Variants in ME1 observed in about 807,000 individuals in gnomAD.
ME1 encodes the protein NADP-dependent malic enzyme.
ME1 carries 74 observed loss-of-function variants against 66.4 expected under a neutral mutation model. That is an observed-to-expected ratio of 1.11 (90% CI 0.92 to 1.35). ME1 has a LOEUF of 1.35. Ranked by LOEUF, ME1 falls within the 40% of genes most tolerant of loss-of-function variation. The pLI, the probability that ME1 is intolerant of heterozygous loss-of-function variation, is 0.00. For missense variants in ME1, 750 were observed against 694.1 expected, an observed-to-expected ratio of 1.08 and a Z score of -0.90; for synonymous variants, 251 against 235.6, an observed-to-expected ratio of 1.07 and a Z score of -0.60.
At chr6:83,270,228 C>T (rs953830072) in intron 6 of ME1, among the ~76,000 whole-genome samples, 3 of 151,956 alleles carry the variant, frequency 2.0e-5, no homozygotes, top group African/African-American at 7.2e-5. Context: ...ATTTAAAAAA[C>T]ATATTTCTTA....
chr6:83,216,413 G>A, intron 13 of ME1, 85 bp downstream of exon 13: 1 of 959,380 alleles, frequency 1.0e-6, no homozygotes, highest in South Asian at 1.4e-5. Flanking sequence ...TACATTTCAA[G>A]GAAGCAGATT....
At chr6:83,398,658 T>C in intron 2 of ME1, 142 bp from the exon 3 acceptor site, 1 of 501,482 alleles carries the variant, frequency 2.0e-6, no homozygotes, top group Non-Finnish European at 3.4e-6. Context: ...ACTTAAGAAA[T>C]ATTCTTTTCT....
intron 5 of ME1, among the ~76,000 whole-genome samples, chr6:83,341,247 G>A (rs952429541): frequency 2.0e-5 from 3 of 152,138 alleles, no homozygotes; most frequent in Admixed American, 6.6e-5. Context: ...TGATTTTATA[G>A]GAAAATGGAC....
chr6:83,343,376 G>C (rs1430837778), intron 5 of ME1, among the ~76,000 whole-genome samples: 1 of 152,154 alleles, frequency 6.6e-6, no homozygotes, highest in Admixed American at 6.5e-5. Flanking sequence ...TTTCAGAAAG[G>C]TCTCTCAAAG....
chr6:83,273,654 T>C (rs1017702138), intron 6 of ME1, among the ~76,000 whole-genome samples: 1 of 152,188 alleles, frequency 6.6e-6, no homozygotes, highest in Non-Finnish European at 1.5e-5. Context: ...ATTATACTAA[T>C]AGATTCAGAT....
At chr6:83,282,243 T>G (rs1179953782) in intron 6 of ME1, among the ~76,000 whole-genome samples, 2 of 152,096 alleles carry the variant, frequency 1.3e-5, no homozygotes, top group Non-Finnish European at 1.5e-5. Flanking sequence ...GCAATTGCAA[T>G]GAAAGCAAAA....
intron 9 of ME1, among the ~76,000 whole-genome samples, chr6:83,230,960 A>T (rs537985297): frequency 6.6e-6 from 1 of 152,202 alleles, no homozygotes; most frequent in Non-Finnish European, 1.5e-5. Flanking sequence ...AAAAGAAATG[A>T]TTAGCCAGTT....
chr6:83,316,381 T>A (rs1009203479), intron 5 of ME1, among the ~76,000 whole-genome samples: 4 of 152,154 alleles, frequency 2.6e-5, no homozygotes, highest in Non-Finnish European at 5.9e-5. Flanking sequence ...TACCCATTCA[T>A]AACAAAAGCT....
At chr6:83,246,976 T>C (rs1790635833) in intron 7 of ME1, among the ~76,000 whole-genome samples, 1 of 152,156 alleles carries the variant, frequency 6.6e-6, no homozygotes, top group Non-Finnish European at 1.5e-5. Flanking sequence ...TCCAAAAATA[T>C]GTTTACTGGC....
At chr6:83,359,365 C>A (rs1037059582) in intron 3 of ME1, among the ~76,000 whole-genome samples, 2 of 152,122 alleles carry the variant, frequency 1.3e-5, no homozygotes, top group Non-Finnish European at 2.9e-5. Flanking sequence ...TTGAAAAGAA[C>A]TGCTTGAGTT....
chr6:83,265,028 G>A (rs1766964458), intron 6 of ME1, among the ~76,000 whole-genome samples: 2 of 152,110 alleles, frequency 1.3e-5, no homozygotes, highest in South Asian at 4.1e-4. Context: ...GTCAATTGAT[G>A]TTGCAAACTC....
At chr6:83,377,291 G>T (rs1298499889) in intron 3 of ME1, among the ~76,000 whole-genome samples, 1 of 152,112 alleles carries the variant, frequency 6.6e-6, no homozygotes, top group Non-Finnish European at 1.5e-5. Context: ...TAATCTAGTT[G>T]TCAACTGGCA....
chr6:83,247,462 A>G (rs1269824863), intron 7 of ME1, among the ~76,000 whole-genome samples: 1 of 152,094 alleles, frequency 6.6e-6, no homozygotes, highest in Non-Finnish European at 1.5e-5. Flanking sequence ...CTAACAGTAG[A>G]ATTCTAAGTA....
chr6:83,382,194 T>C (rs1340219348), intron 3 of ME1, among the ~76,000 whole-genome samples: 2 of 152,132 alleles, frequency 1.3e-5, no homozygotes, highest in African/African-American at 2.4e-5. Flanking sequence ...ACACAAACAG[T>C]ACTCATGTAT....
At chr6:83,415,859 G>A (rs1770150422) in intron 1 of ME1, among the ~76,000 whole-genome samples, 1 of 152,016 alleles carries the variant, frequency 6.6e-6, no homozygotes, top group Non-Finnish European at 1.5e-5. Context: ...CTTTCATCTT[G>A]ACCAGGTTTC....
intron 2 of ME1, among the ~76,000 whole-genome samples, chr6:83,404,815 G>A (rs577446540): frequency 2.1e-4 from 32 of 152,302 alleles, no homozygotes; most frequent in Admixed American, 1.9e-3. Context: ...TCAGATGGTT[G>A]TAGATGTGTG....
At chr6:83,425,142 C>T (rs1441528103) in intron 1 of ME1, among the ~76,000 whole-genome samples, 5 of 152,102 alleles carry the variant, frequency 3.3e-5, no homozygotes, top group Admixed American at 3.3e-4. Flanking sequence ...GTGCACACCA[C>T]CATGCCCAGC....
intron 3 of ME1, among the ~76,000 whole-genome samples, chr6:83,355,253 A>AT (rs1003270991): frequency 5.3e-5 from 8 of 152,092 alleles, no homozygotes; most frequent in African/African-American, 1.9e-4. Context: ...GCAATATACT[A>AT]TTTTTTATTT....
chr6:83,230,927 T>C (rs1219724899), intron 9 of ME1, among the ~76,000 whole-genome samples: 1 of 151,862 alleles, frequency 6.6e-6, no homozygotes, highest in East Asian at 1.9e-4. Flanking sequence ...CGAGACTCTG[T>C]CTCAAAAAAA....
Sources: allele counts gnomAD v4.1 joint callset (sites outside exome capture counted in the v4.1 genomes callset), GRCh38; gene constraint gnomAD v4.1.1; transcripts MANE v1.5; gene names NCBI Gene and HGNC (gene_info 2026-07-23, HGNC 2026-07-21).